Variants in LYZL4 observed in about 807,000 individuals in gnomAD.
LYZL4 encodes the protein lysozyme-like protein 4.
In LYZL4, 13 loss-of-function variants were observed where a neutral mutation model predicts 17.6. That is an observed-to-expected ratio of 0.74 (90% CI 0.48 to 1.18). The LOEUF is 1.18. Ranked by LOEUF, LYZL4 falls within the 50% of genes most tolerant of loss-of-function variation. LYZL4 has a pLI of 0.00. For missense variants in LYZL4, 174 were observed against 188.2 expected (o/e 0.92, Z 0.44); for synonymous variants, 64 against 67.7 (o/e 0.95, Z 0.27).
At chr3:42,406,224 C>G (rs1010326115) in intron 3 of LYZL4, among the ~76,000 whole-genome samples, 1 of 152,030 alleles carries the variant, frequency 6.6e-6, no homozygotes, top group African/African-American at 2.4e-5. Flanking sequence ...GAGGCCGAGA[C>G]GGGCAGATCA....
chr3:42,407,193 T>G lies in LYZL4; in HGVS notation c.59A>C (p.Tyr20Ser), dbSNP rs768389098. Residue 20 changes from tyrosine (Y) to serine (S), a missense_variant, in exon 2 of 5, where the codon TAC (tyrosine) becomes TCC (serine). Tyr to Ser is a moderately radical substitution (Grantham distance 144). Transcript: ENST00000287748. ...AGCCACTGTGCAACGCCCCAAGATG[T>G]AAGCACCACTTGGAACCACCAGGTA... ...LGYLVVPSGA[Y>S]ILGRCTVAKK... is the part of the protein sequence containing the mutation. The G allele has an allele frequency of 3.7e-6, 6 of 1,613,990 alleles. No individual in the cohort carries two copies. The African/African-American group carries it at 8.0e-5, about 22-fold the overall frequency.
At chr3:42,401,265 C>T (rs1698647578) in intron 4 of LYZL4, among the ~76,000 whole-genome samples, 1 of 152,048 alleles carries the variant, frequency 6.6e-6, no homozygotes, top group South Asian at 2.1e-4. Context: ...GGCTGGAGTA[C>T]AGTCACACAA....
the LYZL4 span, among the ~76,000 whole-genome samples, chr3:42,373,192 C>G: frequency 2.0e-5 from 3 of 152,050 alleles, no homozygotes; most frequent in African/African-American, 4.8e-5. Context: ...GCCTGAGGGA[C>G]AAGCAAAACT....
At chr3:42,394,581 G>A (rs1698527194), downstream of LYZL4, among the ~76,000 whole-genome samples, 1 of 152,196 alleles carries the variant, frequency 6.6e-6, no homozygotes, top group African/African-American at 2.4e-5. Flanking sequence ...GGTAACAGAA[G>A]TAATAATAAT....
At chr3:42,370,623 C>G in the LYZL4 span, among the ~76,000 whole-genome samples, 1 of 152,210 alleles carries the variant, frequency 6.6e-6, no homozygotes, top group Admixed American at 6.5e-5. Flanking sequence ...AGCTTTATTG[C>G]AGCAATACCT....
chr3:42,407,466 C>T, intron 1 of LYZL4, 123 bp from the exon 2 acceptor site: 1 of 614,238 alleles, frequency 1.6e-6, no homozygotes, highest in Non-Finnish European at 2.8e-6. Flanking sequence ...TCTGGGACAC[C>T]TGAAACTCTG....
chr3:42,374,930 C>G, the LYZL4 span, among the ~76,000 whole-genome samples: 1 of 152,078 alleles, frequency 6.6e-6, no homozygotes, highest in South Asian at 2.1e-4. Context: ...CACCTCAGCT[C>G]CCCTGAGTGG....
chr3:42,409,392 C>A (rs976867412), intron 1 of LYZL4, among the ~76,000 whole-genome samples: 1 of 152,174 alleles, frequency 6.6e-6, no homozygotes, highest in Non-Finnish European at 1.5e-5. Context: ...TACCCTGGAA[C>A]TTAAATTATA....
chr3:42,364,927 G>A, the LYZL4 span, among the ~76,000 whole-genome samples: 1 of 152,114 alleles, frequency 6.6e-6, no homozygotes, highest in Non-Finnish European at 1.5e-5. Flanking sequence ...TTTTAGCCTT[G>A]GTCTTGCCTT....
the LYZL4 span, among the ~76,000 whole-genome samples, chr3:42,377,325 G>C: frequency 6.6e-6 from 1 of 152,108 alleles, no homozygotes; most frequent in Admixed American, 6.5e-5. Flanking sequence ...AAAAATCTCT[G>C]TTATAATAAG....
At chr3:42,400,914 TCC>T (rs1698640955) in intron 4 of LYZL4, among the ~76,000 whole-genome samples, 1 of 152,134 alleles carries the variant, frequency 6.6e-6, no homozygotes, top group African/African-American at 2.4e-5. Context: ...TTTCATGCAC[TCC>T]ATTGGTTCAG....
the LYZL4 span, among the ~76,000 whole-genome samples, chr3:42,365,862 A>G: frequency 6.6e-6 from 1 of 152,208 alleles, no homozygotes; most frequent in Admixed American, 6.5e-5. Flanking sequence ...AATTTTCTGT[A>G]ATAAACATAT....
chr3:42,397,325 C>T lies in LYZL4; in HGVS notation c.381G>A (p.Trp127Ter), dbSNP rs1159765946. 5.1e-6 allele frequency: 8 copies of T among 1,572,150 alleles called. No homozygotes were observed. Among genetic ancestry groups the T allele is most frequent in the Non-Finnish European group, 6.9e-6 (8 of 1,158,334 alleles). ...GKEGMGAWPT[W>*]SRYCQYSDTL... ...TATCGGAGTACTGGCAGTACCGGGACCAGGTGGGCCTGTGGAGAGAAGTGA... is the reference window on the plus strand; with the variant it reads ...TATCGGAGTACTGGCAGTACCGGGATCAGGTGGGCCTGTGGAGAGAAGTGA... The change falls in exon 5 of 5, where the codon TGG becomes TGA. Residue 127 changes from tryptophan to a stop codon, truncating the protein, a stop_gained. Transcript: ENST00000287748. LOFTEE classifies it high-confidence loss of function.
rs945286042 is a variant in LYZL4, at chr3:42,402,435, A to G, written c.371+1611T>C. ...AAAACTTTATCCAGAATATATAAAT[A>G]TCTCCTACAAATTAATAAGAAAAAG... On this transcript the variant is annotated intron_variant, in intron 4 of 4. Transcript: ENST00000287748. Among the ~76,000 whole-genome samples, 26 of 151,962 alleles carry G rather than the reference A, an allele frequency of 1.7e-4. 1 individual carries two copies. The highest frequency in any genetic ancestry group is 5.8e-4 in the African/African-American group (24 of 41,350).
At position 42,402,299 on chromosome 3, in the gene LYZL4, C is replaced by T. The variant is rs72859469; in HGVS notation, c.371+1747G>A. On this transcript the variant is annotated intron_variant, in intron 4 of 4. Transcript: ENST00000287748. ...CTAGCCAGGGTGACAGAGCAAGGCC[C>T]CATTTCTTTTCTTTTCTTTCTTTTT... 3.0e-3 allele frequency among the ~76,000 whole-genome samples: 443 copies of T among 148,052 alleles called. 3 individuals are homozygous for T. The highest frequency in any genetic ancestry group is 0.011 in the African/African-American group (428 of 39,274).
At chr3:42,381,172 G>A in the LYZL4 span, among the ~76,000 whole-genome samples, 1 of 152,200 alleles carries the variant, frequency 6.6e-6, no homozygotes, top group Non-Finnish European at 1.5e-5. Context: ...GAGGTCTAGA[G>A]TGGTTTGTTA....
At chr3:42,363,854 T>C in the LYZL4 span, among the ~76,000 whole-genome samples, 1 of 152,202 alleles carries the variant, frequency 6.6e-6, no homozygotes, top group Non-Finnish European at 1.5e-5. Context: ...ATAGGAACAT[T>C]ACACGGATCA....
the LYZL4 span, among the ~76,000 whole-genome samples, chr3:42,377,514 G>T: frequency 2.8e-3 from 427 of 152,206 alleles, 3 homozygotes; most frequent in African/African-American, 1.0e-2. Context: ...AAACACAAAA[G>T]CCTAGGTATG....
rs141929515 is a variant in LYZL4, at chr3:42,404,630, C to G, written c.293-506G>C. On this transcript the variant is annotated intron_variant, in intron 3 of 4. Transcript: ENST00000287748. ...TACAGACAGAAAATTGTATGTGTCTCCCATTGGATTCTGGAGAGATAGAGA... is the reference window on the plus strand; with the variant it reads ...TACAGACAGAAAATTGTATGTGTCTGCCATTGGATTCTGGAGAGATAGAGA... Among the ~76,000 whole-genome samples, 3 of 152,166 alleles carry G rather than the reference C, an allele frequency of 2.0e-5. No individual in the cohort carries two copies. The East Asian group carries it at 5.8e-4, about 29-fold the overall frequency.
Sources: allele counts gnomAD v4.1 joint callset (sites outside exome capture counted in the v4.1 genomes callset), GRCh38; gene constraint gnomAD v4.1.1; transcripts MANE v1.5; gene names NCBI Gene and HGNC (gene_info 2026-07-23, HGNC 2026-07-21).